Variants in ARMH3 observed in about 807,000 individuals in gnomAD.
ARMH3 encodes the protein armadillo-like helical domain-containing protein 3.
In ARMH3, 60 loss-of-function variants were observed where a neutral mutation model predicts 99.1. The ratio of observed to expected loss-of-function variants is 0.61; its 90% confidence interval spans 0.49 to 0.75. The LOEUF is 0.75. Ranked by LOEUF, ARMH3 falls within the 30% of genes least tolerant of loss-of-function variation. The pLI is 0.00. For missense variants in ARMH3, 679 were observed against 843.1 expected, an observed-to-expected ratio of 0.81 and a Z score of 2.41; for synonymous variants, 285 against 292.8, an observed-to-expected ratio of 0.97 and a Z score of 0.27.
intron 23 of ARMH3, among the ~76,000 whole-genome samples, chr10:101,915,841 T>C: frequency 7.0e-6 from 1 of 142,944 alleles, no homozygotes; most frequent in East Asian, 2.3e-4. Context: ...TCTCGCTCTC[T>C]CACCCAGGTT....
At chr10:101,923,549 T>C (rs1441541172) in intron 23 of ARMH3, among the ~76,000 whole-genome samples, 1 of 152,204 alleles carries the variant, frequency 6.6e-6, no homozygotes, top group Non-Finnish European at 1.5e-5. Flanking sequence ...AGAGCCTGTA[T>C]TGTAACCCCC....
rs372637526 is a variant in ARMH3 at position 101,849,813 on chromosome 10, G to A, written c.1940C>T (p.Ser647Leu). Residue 647 changes from serine to leucine, a missense_variant, in exon 25 of 26, where the codon TCA (serine) becomes TTA (leucine). By Grantham distance (145) the Ser-to-Leu change is moderately radical. Around this residue, in one of 3 missense-constraint regions of ARMH3, gnomAD observed 389 missense variants for 456.5 expected, o/e 0.85. Transcript: ENST00000370033. ...GAAGGCAGCTTCCTTGTGCTGCTCT[G>A]AGTAGCGCTCATACTGGTCCAGGCC... Reference protein sequence around the residue: ...QDGLDQYERYSEQHKEAAFFK... With the variant: ...QDGLDQYERYLEQHKEAAFFK... The A allele has an allele frequency of 1.2e-6, 2 of 1,614,098 alleles. No homozygotes were observed. Among genetic ancestry groups the A allele is most frequent in the Non-Finnish European group, 1.7e-6 (2 of 1,180,048 alleles).
chr10:101,967,952 T>C (rs1384551272), intron 20 of ARMH3, among the ~76,000 whole-genome samples: 2 of 152,226 alleles, frequency 1.3e-5, no homozygotes, highest in East Asian at 3.9e-4. Flanking sequence ...CACATTCCTC[T>C]AAATGAGTCA....
At chr10:101,966,102 C>CTTT (rs1047048779) in intron 20 of ARMH3, among the ~76,000 whole-genome samples, 7 of 126,284 alleles carry the variant, frequency 5.5e-5, no homozygotes, top group Admixed American at 8.0e-5. Context: ...TTTTTCTTTT[C>CTTT]TTTTTTTTTT....
chr10:101,874,211 A>G (rs1233909993), intron 24 of ARMH3, among the ~76,000 whole-genome samples: 1 of 152,170 alleles, frequency 6.6e-6, no homozygotes, highest in Admixed American at 6.5e-5. Flanking sequence ...AATGTTCTAC[A>G]TCTTGATTGT....
chr10:101,944,283 G>T (rs1253137928), intron 22 of ARMH3, among the ~76,000 whole-genome samples: 1,531 of 36,540 alleles, frequency 0.042, 2 homozygotes, highest in African/African-American at 0.089. Context: ...TAGAGAGAGA[G>T]AGAGAGAGAG....
intron 8 of ARMH3, among the ~76,000 whole-genome samples, chr10:102,018,605 C>G (rs6584470): frequency 0.56 from 84,410 of 151,966 alleles, 23,648 homozygotes; most frequent in East Asian, 0.76. Context: ...TCACATATTT[C>G]TGGTGATAAT....
At chr10:101,857,668 T>C (rs570084747) in intron 24 of ARMH3, among the ~76,000 whole-genome samples, 1 of 152,228 alleles carries the variant, frequency 6.6e-6, no homozygotes, top group African/African-American at 2.4e-5. Flanking sequence ...CCCAGCAAAT[T>C]TCCTCAAACT....
intron 23 of ARMH3, among the ~76,000 whole-genome samples, chr10:101,896,222 C>G (rs1397050086): frequency 6.7e-6 from 1 of 150,216 alleles, no homozygotes; most frequent in African/African-American, 2.4e-5. Context: ...GAGCACAGAC[C>G]CTGTCTCAAA....
chr10:101,911,156 G>C lies in ARMH3; in HGVS notation c.1782-21666C>G, dbSNP rs116138926. Among the ~76,000 whole-genome samples the C allele has an allele frequency of 9.5e-3, 1,447 of 151,670 alleles. 21 individuals carry two copies. Among genetic ancestry groups the C allele is most frequent in the African/African-American group, 0.033 (1,356 of 41,364 alleles). ...ATTCCGTACCAAAAAAAAAAAAAGA[G>C]ACAGAAGGTGATCAATGTTATGTTC... On this transcript the variant is annotated intron_variant, in intron 23 of 25. Transcript: ENST00000370033.
intron 23 of ARMH3, among the ~76,000 whole-genome samples, chr10:101,926,925 C>T (rs1377539335): frequency 6.6e-6 from 1 of 152,120 alleles, no homozygotes; most frequent in African/African-American, 2.4e-5. Context: ...GAACAAACGC[C>T]CAGGAATGAT....
intron 11 of ARMH3, 109 bp downstream of exon 11, chr10:102,011,614 T>A: frequency 1.2e-6 from 1 of 848,738 alleles, no homozygotes. Context: ...CTCTCTCTTG[T>A]CATCATGCCA....
At chr10:101,890,694 T>A (rs547327974) in intron 23 of ARMH3, among the ~76,000 whole-genome samples, 1 of 152,334 alleles carries the variant, frequency 6.6e-6, no homozygotes, top group South Asian at 2.1e-4. Context: ...AGTAACTTTA[T>A]AGCAAAGAAG....
chr10:101,939,004 G>T (rs542192254), intron 23 of ARMH3, among the ~76,000 whole-genome samples: 1 of 152,034 alleles, frequency 6.6e-6, no homozygotes, highest in Non-Finnish European at 1.5e-5. Flanking sequence ...AGAAAGAAAA[G>T]ATATAGGAAA....
intron 9 of ARMH3, among the ~76,000 whole-genome samples, chr10:102,013,612 G>A: frequency 6.6e-6 from 1 of 152,118 alleles, no homozygotes; most frequent in Non-Finnish European, 1.5e-5. Context: ...ATACTATCTG[G>A]CTAGTTCTAA....
chr10:102,029,426 G>A (rs1357965561), intron 5 of ARMH3: 1 of 1,531,592 alleles, frequency 6.5e-7, no homozygotes, highest in Non-Finnish European at 8.8e-7. Flanking sequence ...TATCCCGCAG[G>A]GAAAGAATAC....
chr10:102,039,874 T>G lies in ARMH3; in HGVS notation c.102+139A>C, dbSNP rs544189324. 6 of 687,122 alleles carry G rather than the reference T, an allele frequency of 8.7e-6. No individual in the cohort carries two copies. In the African/African-American group the frequency reaches 1.1e-4, roughly 12 times the overall value. 42.6% of individuals were successfully genotyped at this position (687,122 alleles called of 1,614,324 possible). On this transcript the variant is annotated intron_variant, in intron 2 of 25. Coordinates refer to ENST00000370033, the MANE Select transcript of ARMH3 (RefSeq NM_024541.3). ...TCTCTACTCTGACAGCTTTCATTTT[T>G]GCCCTCAAACCCTCTTTCTCTCCCC...
intron 1 of ARMH3, among the ~76,000 whole-genome samples, chr10:102,041,090 A>AATATATATATATATATATAATATAT (rs2067405279): frequency 7.5e-5 from 10 of 132,636 alleles, no homozygotes; most frequent in African/African-American, 2.7e-4. Context: ...ATATATATAT[A>AATATATATATATATATATAATATAT]ATATATATAT....
At chr10:101,858,659 T>C (rs1270905067) in intron 24 of ARMH3, among the ~76,000 whole-genome samples, 1 of 152,182 alleles carries the variant, frequency 6.6e-6, no homozygotes, top group Non-Finnish European at 1.5e-5. Flanking sequence ...GGTTTCCCAA[T>C]GAGGGATTTC....
Sources: allele counts gnomAD v4.1 joint callset (sites outside exome capture counted in the v4.1 genomes callset), GRCh38; gene constraint gnomAD v4.1.1; regional missense constraint gnomAD v4.1.1; transcripts MANE v1.5; gene names NCBI Gene and HGNC (gene_info 2026-07-23, HGNC 2026-07-21).